EPS15: variants seen among roughly 807,000 people sequenced by gnomAD.
EPS15 encodes epidermal growth factor receptor pathway substrate 15.
Under a neutral mutation model 113.8 loss-of-function variants are expected in EPS15, and 72 were observed. The ratio of observed to expected loss-of-function variants is 0.63; its 90% CI spans 0.52 to 0.77. The LOEUF (loss-of-function observed/expected upper bound fraction) is 0.77, where lower values mean the gene tolerates loss of function less well. Ranked by LOEUF, EPS15 falls within the 30% of genes least tolerant of loss-of-function variation. The pLI, the probability that EPS15 is intolerant of heterozygous loss-of-function variation, is 0.00. For missense variants in EPS15, 1,048 were observed against 1,045.8 expected (o/e 1.00, Z -0.03); for synonymous variants, 344 against 363.4 (o/e 0.95, Z 0.61).
At position 51,356,849 on chromosome 1, in the gene EPS15, G is replaced by GC. The variant is rs1463503384; in HGVS notation, c.2545-4dup. On this transcript the variant is annotated splice_polypyrimidine_tract_variant and splice_region_variant and intron_variant, in intron 24 of 24. Coordinates refer to ENST00000371733, the MANE Select transcript of EPS15 (RefSeq NM_001981.3). ...ATCATATCTTCTTCAGAGGGATACT[G>GC]CCATTTAAAAGATCGATGAACAAAC... is the stretch of plus-strand genomic sequence containing the variant. 3.1e-6 allele frequency: 5 copies of GC among 1,602,110 alleles called. No individual in the cohort carries two copies. Among genetic ancestry groups the GC allele is most frequent in the Non-Finnish European group, 4.3e-6 (5 of 1,176,150 alleles).
At chr1:51,463,838 A>G (rs1267001646) in intron 6 of EPS15, 40 bp from the exon 7 acceptor site, 1 of 1,355,538 alleles carries the variant, frequency 7.4e-7, no homozygotes, top group African/African-American at 1.5e-5. Context: ...ATAATAAGAG[A>G]AAAGGATTTA....
In EPS15 at chr1:51,374,560, C is replaced by T. The variant is rs977753098; in HGVS notation, c.2120-8531G>A. Among the ~76,000 whole-genome samples, 19 of 152,078 alleles carry T rather than the reference C, an allele frequency of 1.2e-4. No homozygotes were observed. In the South Asian group the frequency reaches 2.7e-3, roughly 22 times the overall value. On this transcript the variant is annotated intron_variant, in intron 21 of 24. Transcript: ENST00000371733. ...CGGAGGTTGCAGTGAGCTGAGATTG[C>T]GCCATTGCACTCCAGCTCAGGCAAC...
Position 51,399,031 on chromosome 1 carries a change from C to A in EPS15, c.2052+1G>T. 6.2e-7 allele frequency: 1 copy of A among 1,609,024 alleles called. No individual in the cohort carries two copies. Among genetic ancestry groups the A allele is most frequent in the Non-Finnish European group, 8.5e-7 (1 of 1,177,526 alleles). ...TAACAGTTTTTAATTCTCCCACTTA[C>A]CGATGTAATACTGCTATTGTTGGCT... On this transcript the variant is annotated splice_donor_variant, in intron 20 of 24. Transcript: ENST00000371733. LOFTEE classifies it high-confidence loss of function.
At chr1:51,463,612 G>T in intron 7 of EPS15, 61 bp downstream of exon 7, 1 of 929,224 alleles carries the variant, frequency 1.1e-6, no homozygotes, top group Non-Finnish European at 1.7e-6. Flanking sequence ...CATGCTCCTG[G>T]CATAATAGAT....
At chr1:51,445,192 C>G in intron 10 of EPS15, 147 bp from the exon 11 acceptor site, 1 of 712,034 alleles carries the variant, frequency 1.4e-6, no homozygotes, top group South Asian at 1.9e-5. Flanking sequence ...AAAACTCACT[C>G]AACTGTTCGA....
chr1:51,443,552 C>A (rs1171517363), intron 11 of EPS15, among the ~76,000 whole-genome samples: 1 of 151,972 alleles, frequency 6.6e-6, no homozygotes, highest in African/African-American at 2.4e-5. Flanking sequence ...TATTTTATTA[C>A]AAATAAGGAC....
chr1:51,426,837 C>CTCTA (rs377211027), intron 12 of EPS15, among the ~76,000 whole-genome samples: 2,359 of 143,290 alleles, frequency 0.016, 32 homozygotes, highest in African/African-American at 0.026. Context: ...CTCTCTCTCT[C>CTCTA]TATATATATA....
intron 21 of EPS15, among the ~76,000 whole-genome samples, chr1:51,390,103 G>T (rs1249781138): frequency 6.6e-6 from 1 of 152,092 alleles, no homozygotes; most frequent in Non-Finnish European, 1.5e-5. Context: ...CATGGTACTG[G>T]TACCAAAACA....
At chr1:51,368,127 G>A (rs1271451276) in intron 21 of EPS15, among the ~76,000 whole-genome samples, 3 of 151,904 alleles carry the variant, frequency 2.0e-5, no homozygotes, top group Non-Finnish European at 4.4e-5. Flanking sequence ...GCAAGACTCC[G>A]TCTCAAAAAA....
At chr1:51,363,609 T>G (rs72694131) in intron 23 of EPS15, among the ~76,000 whole-genome samples, 3,335 of 152,238 alleles carry the variant, frequency 0.022, 32 homozygotes, top group Middle Eastern at 0.034. Context: ...TGATTGCCTC[T>G]CTGAAATGAT....
At chr1:51,476,530 G>C (rs1643906115) in intron 2 of EPS15, among the ~76,000 whole-genome samples, 2 of 152,106 alleles carry the variant, frequency 1.3e-5, no homozygotes, top group Admixed American at 6.6e-5. Context: ...ATTTCTGTGG[G>C]ATCAGTGGTG....
chr1:51,386,845 G>A (rs1423297774), intron 21 of EPS15, among the ~76,000 whole-genome samples: 1 of 152,176 alleles, frequency 6.6e-6, no homozygotes, highest in Non-Finnish European at 1.5e-5. Flanking sequence ...ACATCTGATT[G>A]GTGTACCTGA....
At chr1:51,509,021 AC>A (rs528591050) in intron 1 of EPS15, among the ~76,000 whole-genome samples, 206 of 152,194 alleles carry the variant, frequency 1.4e-3, no homozygotes, top group African/African-American at 4.8e-3. Flanking sequence ...CTCTCATGGC[AC>A]CCCCTTGCCT....
chr1:51,431,023 C>CAA (rs1651688580), intron 12 of EPS15, among the ~76,000 whole-genome samples: 2 of 117,316 alleles, frequency 1.7e-5, no homozygotes, highest in Non-Finnish European at 3.6e-5. Context: ...CACACACACA[C>CAA]ACACAAAAAT....
At chr1:51,487,458 T>A (rs72691879) in intron 1 of EPS15, among the ~76,000 whole-genome samples, 3,328 of 152,238 alleles carry the variant, frequency 0.022, 31 homozygotes, top group Middle Eastern at 0.034. Context: ...CAAAAATATA[T>A]AGAATTTTAA....
chr1:51,431,170 C>T (rs1020009868), intron 12 of EPS15, among the ~76,000 whole-genome samples: 1 of 151,932 alleles, frequency 6.6e-6, no homozygotes, highest in African/African-American at 2.4e-5. Flanking sequence ...AATTAGTAGC[C>T]ATTAATTATA....
intron 1 of EPS15, among the ~76,000 whole-genome samples, chr1:51,508,839 A>G (rs2147449): frequency 0.3 from 45,474 of 152,004 alleles, 9,129 homozygotes; most frequent in African/African-American, 0.57. Flanking sequence ...CCACAATATG[A>G]ACTCTATGCA....
At chr1:51,406,413 T>C (rs1182618571) in intron 15 of EPS15, among the ~76,000 whole-genome samples, 1 of 152,188 alleles carries the variant, frequency 6.6e-6, no homozygotes, top group Non-Finnish European at 1.5e-5. Context: ...AGGTCAAGGC[T>C]GCAGTGAGCC....
intron 1 of EPS15, among the ~76,000 whole-genome samples, chr1:51,486,582 A>G (rs2148530142): frequency 6.6e-6 from 1 of 152,342 alleles, no homozygotes; most frequent in South Asian, 2.1e-4. Flanking sequence ...TCCTGTCTCT[A>G]TAAAAAATGA....
Sources: allele counts gnomAD v4.1 joint callset (sites outside exome capture counted in the v4.1 genomes callset), GRCh38; gene constraint gnomAD v4.1.1; transcripts MANE v1.5; gene names NCBI Gene and HGNC (gene_info 2026-07-23, HGNC 2026-07-21).